Variants in ALG8 observed in about 807,000 individuals in gnomAD.
The protein encoded by ALG8 is ALG8 alpha-1,3-glucosyltransferase.
Under a neutral mutation model 70.2 loss-of-function variants are expected in ALG8, and 48 were observed. That is an observed-to-expected ratio of 0.68 (90% CI 0.54 to 0.87). The LOEUF (loss-of-function observed/expected upper bound fraction) is 0.87, where lower values mean the gene tolerates loss of function less well. ALG8 is among the 40% of genes least tolerant of loss of function. ALG8 has a pLI of 0.00. For missense variants in ALG8, 572 were observed against 608.7 expected (o/e 0.94, Z 0.64); for synonymous variants, 234 against 229.0 (o/e 1.02, Z -0.20).
At position 78,124,164 on chromosome 11, in the gene ALG8, C is replaced by A; in HGVS notation, c.225G>T (p.Glu75Asp). 1 of 1,614,138 alleles carries A rather than the reference C, an allele frequency of 6.2e-7. No homozygotes were observed. Among genetic ancestry groups the A allele is most frequent in the Non-Finnish European group, 8.5e-7 (1 of 1,180,022 alleles). ...LDYPPFFAWF[E>D]YILSHVAKYF... ...ATTTGGCAACATGTGACAGGATATACTCAAACCATGCAAAGAAAGGGGGGT... is the reference window on the plus strand; with the variant it reads ...ATTTGGCAACATGTGACAGGATATAATCAAACCATGCAAAGAAAGGGGGGT... Residue 75 changes from glutamate to aspartate, a missense_variant, in exon 3 of 13, where the codon GAG becomes GAT. Coordinates refer to ENST00000299626, the MANE Select transcript of ALG8 (RefSeq NM_024079.5).
intron 8 of ALG8, among the ~76,000 whole-genome samples, chr11:78,110,845 T>G (rs1328999045): frequency 6.6e-6 from 1 of 152,176 alleles, no homozygotes; most frequent in African/African-American, 2.4e-5. Context: ...TTACAGCTAA[T>G]AACTATCTCC....
intron 1 of ALG8, among the ~76,000 whole-genome samples, chr11:78,129,653 A>C (rs1318641240): frequency 1.3e-5 from 2 of 152,146 alleles, no homozygotes; most frequent in East Asian, 3.8e-4. Context: ...TTCTACTTTC[A>C]CTCATTCTCT....
chr11:78,135,986 T>C (rs1861531500), intron 1 of ALG8, among the ~76,000 whole-genome samples: 2 of 149,912 alleles, frequency 1.3e-5, no homozygotes, highest in Non-Finnish European at 3.0e-5. Flanking sequence ...CTGGGCAACA[T>C]GGTGAAACCC....
At position 78,106,919 on chromosome 11, in the gene ALG8, G is replaced by A; in HGVS notation, c.1066C>T (p.Pro356Ser). The A allele has an allele frequency of 1.2e-6, 2 of 1,613,938 alleles. No individual in the cohort carries two copies. The highest frequency in any genetic ancestry group is 1.7e-6 in the Non-Finnish European group (2 of 1,179,908). The change falls in exon 10 of 13, where the codon CCC (proline) becomes TCC (serine). Residue 356 changes from proline to serine, a missense_variant. Physicochemically the swap from Pro to Ser is moderately conservative, Grantham distance 74 (BLOSUM62 -1). Coordinates refer to ENST00000299626, the MANE Select transcript of ALG8 (RefSeq NM_024079.5). ...CGGAGAAAGCCTCTGGGCCCTTGGG[G>A]TTTAAACCAAAGACAGAAAATAGAG... ...LPSIFCLWFK[P>S]QGPRGFLRCL...
intron 1 of ALG8, among the ~76,000 whole-genome samples, chr11:78,134,139 GTTT>G (rs762274757): frequency 1.1e-4 from 16 of 139,978 alleles, no homozygotes; most frequent in East Asian, 2.1e-4. Context: ...TGGCAAACTG[GTTT>G]TTTTTTTTTT....
chr11:78,111,070 C>G (rs1407989412), intron 8 of ALG8, among the ~76,000 whole-genome samples: 2 of 152,170 alleles, frequency 1.3e-5, no homozygotes, highest in African/African-American at 2.4e-5. Context: ...GCTAGATTCA[C>G]AGTGAGCAAC....
intron 10 of ALG8, among the ~76,000 whole-genome samples, chr11:78,106,134 A>G (rs1462441141): frequency 2.0e-5 from 3 of 152,198 alleles, no homozygotes; most frequent in Non-Finnish European, 4.4e-5. Flanking sequence ...ACTTTGACTA[A>G]CAACACTTAA....
chr11:78,103,943 C>A, intron 12 of ALG8, 37 bp downstream of exon 12: 1 of 1,184,768 alleles, frequency 8.4e-7, no homozygotes, highest in Non-Finnish European at 1.2e-6. Flanking sequence ...AAACATTTCA[C>A]AAGAGTAAGT....
At chr11:78,138,114 G>A (rs1861623366) in intron 1 of ALG8, among the ~76,000 whole-genome samples, 1 of 152,128 alleles carries the variant, frequency 6.6e-6, no homozygotes, top group Non-Finnish European at 1.5e-5. Context: ...GGGAGGCCGA[G>A]GCAGGTGGAT....
intron 3 of ALG8, 54 bp from the exon 4 acceptor site, chr11:78,121,228 A>T (rs745511204): frequency 1.6e-6 from 2 of 1,231,914 alleles, no homozygotes; most frequent in East Asian, 2.3e-5. Context: ...TCATCGGAAC[A>T]TCACTTCTGC....
At chr11:78,109,618 C>G in intron 8 of ALG8, 37 bp from the exon 9 acceptor site, 1 of 1,572,988 alleles carries the variant, frequency 6.4e-7, no homozygotes, top group Non-Finnish European at 8.7e-7. Context: ...TTATTTTTAT[C>G]TTTATTACTG....
chr11:78,138,465 G>C (rs961863623), intron 1 of ALG8, among the ~76,000 whole-genome samples: 2 of 152,054 alleles, frequency 1.3e-5, no homozygotes, highest in African/African-American at 4.8e-5. Flanking sequence ...TCATTTTACT[G>C]AATCTACATA....
chr11:78,120,140 T>C (rs1271369354), intron 4 of ALG8, among the ~76,000 whole-genome samples: 2 of 152,052 alleles, frequency 1.3e-5, no homozygotes, highest in African/African-American at 4.8e-5. Context: ...TTATGTTTAA[T>C]GACATCTTAG....
chr11:78,123,190 A>G (rs1399071893), intron 3 of ALG8, among the ~76,000 whole-genome samples: 1 of 151,866 alleles, frequency 6.6e-6, no homozygotes, highest in Non-Finnish European at 1.5e-5. Context: ...CCTGTAATCC[A>G]AGCTACTTGG....
Position 78,101,131 on chromosome 11 carries a change from C to T in ALG8, c.1414G>A (p.Val472Ile). Residue 472 changes from valine (V) to isoleucine (I), a missense_variant, in exon 13 of 13, where the codon GTC becomes ATC. Val to Ile is a conservative substitution (Grantham distance 29). Coordinates refer to ENST00000299626, the MANE Select transcript of ALG8 (RefSeq NM_024079.5). ...AAAGGGAATACAAATTCACAGCAGA[C>T]TTCCAGAGGCCCCAGGCCAAGCAGG... ...FYLLGLGPLEVCCEFVFPFTS... is the reference protein window; with the variant it reads ...FYLLGLGPLEICCEFVFPFTS... The T allele has an allele frequency of 2.5e-6, 4 of 1,614,202 alleles. No individual in the cohort carries two copies. The highest frequency in any genetic ancestry group is 3.4e-6 in the Non-Finnish European group (4 of 1,180,038).
intron 12 of ALG8, among the ~76,000 whole-genome samples, chr11:78,101,868 G>A (rs906194488): frequency 6.6e-6 from 1 of 152,100 alleles, no homozygotes; most frequent in African/African-American, 2.4e-5. Flanking sequence ...TTGAGATGGA[G>A]CGTTGCTCTG....
At chr11:78,113,634 A>G (rs1860403852) in intron 7 of ALG8, among the ~76,000 whole-genome samples, 1 of 151,398 alleles carries the variant, frequency 6.6e-6, no homozygotes, top group South Asian at 2.1e-4. Flanking sequence ...AATCGCTTGA[A>G]TCCAGGAGGT....
chr11:78,124,859 A>G (rs921929993), intron 2 of ALG8, among the ~76,000 whole-genome samples: 3 of 152,230 alleles, frequency 2.0e-5, no homozygotes, highest in Admixed American at 2.0e-4. Context: ...GAGAATAGAA[A>G]CTATCCTTTA....
At chr11:78,139,440 C>T (rs1861699265) in intron 1 of ALG8, 54 bp downstream of exon 1, 1 of 1,533,166 alleles carries the variant, frequency 6.5e-7, no homozygotes, top group Non-Finnish European at 8.8e-7. Context: ...TCTCTCCCGC[C>T]CTGACCGACC....
Sources: allele counts gnomAD v4.1 joint callset (sites outside exome capture counted in the v4.1 genomes callset), GRCh38; gene constraint gnomAD v4.1.1; transcripts MANE v1.5; gene names NCBI Gene and HGNC (gene_info 2026-07-23, HGNC 2026-07-21).